SOX6: variants seen among roughly 807,000 people sequenced by gnomAD.
SOX6 encodes transcription factor SOX-6.
SOX6 carries 11 observed loss-of-function variants against 97.8 expected under a neutral mutation model. The ratio of observed to expected loss-of-function variants is 0.11; its 90% CI spans 0.07 to 0.19. SOX6 has a LOEUF of 0.19. Among genes scored for constraint, SOX6 ranks in the 10% least tolerant of loss-of-function variants. SOX6 has a pLI of 1.00. For synonymous variants in SOX6, 360 were observed against 371.4 expected, an observed-to-expected ratio of 0.97 and a Z score of 0.35; for missense variants, 810 against 1,039.5, an observed-to-expected ratio of 0.78 and a Z score of 3.04.
chr11:16,387,257 AT>A lies in SOX6; in HGVS notation c.-4-46006del, dbSNP rs113782419. On this transcript the variant is annotated intron_variant, in intron 1 of 15. Transcript: ENST00000396356. Reference sequence around the variant, plus strand: ...CTTTTTAAAATGCCATATACCTGTAATTTTTTTTTCAGTCAAGTTTGAGCAT... The same window carrying A: ...CTTTTTAAAATGCCATATACCTGTAATTTTTTTTCAGTCAAGTTTGAGCAT... Among the ~76,000 whole-genome samples, 1,300 of 151,544 alleles carry A rather than the reference AT, an allele frequency of 8.6e-3. 16 individuals are homozygous for A. The highest frequency in any genetic ancestry group is 0.03 in the African/African-American group (1,226 of 41,348).
At chr11:16,272,681 C>G (rs1292530436) in intron 3 of SOX6, among the ~76,000 whole-genome samples, 1 of 151,706 alleles carries the variant, frequency 6.6e-6, no homozygotes, top group Admixed American at 6.6e-5. Flanking sequence ...AACATTGTCT[C>G]AAGATATAGA....
At chr11:16,352,301 A>T (rs56890590) in intron 1 of SOX6, among the ~76,000 whole-genome samples, 20 of 128,742 alleles carry the variant, frequency 1.6e-4, no homozygotes, top group East Asian at 4.5e-4. Flanking sequence ...GATGGATGGA[A>T]GGATGGATGG....
At chr11:16,427,250 T>C (rs1714075506) in intron 1 of SOX6, among the ~76,000 whole-genome samples, 1 of 150,986 alleles carries the variant, frequency 6.6e-6, no homozygotes, top group South Asian at 2.1e-4. Context: ...ATATCCAGCA[T>C]CCATAAGGAG....
chr11:16,733,743 A>G (rs944634627), intron 2 of SOX6, among the ~76,000 whole-genome samples: 19 of 127,678 alleles, frequency 1.5e-4, no homozygotes, highest in African/African-American at 4.7e-4. Flanking sequence ...AAAAAAAAAA[A>G]GGGCCAGGCA....
At chr11:16,192,337 C>T (rs746789484) in intron 4 of SOX6, among the ~76,000 whole-genome samples, 8 of 152,082 alleles carry the variant, frequency 5.3e-5, no homozygotes, top group Admixed American at 2.6e-4. Flanking sequence ...AAAATTGACA[C>T]ATTTTTTTTT....
chr11:16,526,935 T>A (rs1861175892), intron 4 of SOX6, among the ~76,000 whole-genome samples: 3 of 152,088 alleles, frequency 2.0e-5, no homozygotes, highest in African/African-American at 7.2e-5. Context: ...CACACCTACA[T>A]GCATAAATGT....
At chr11:16,020,266 C>T (rs756196489) in intron 12 of SOX6, among the ~76,000 whole-genome samples, 2 of 151,982 alleles carry the variant, frequency 1.3e-5, no homozygotes, top group African/African-American at 2.4e-5. Context: ...TCTCAATGCC[C>T]TCCTGCCATC....
At chr11:16,254,430 A>G (rs1424474207) in intron 3 of SOX6, among the ~76,000 whole-genome samples, 3 of 152,232 alleles carry the variant, frequency 2.0e-5, no homozygotes, top group Non-Finnish European at 4.4e-5. Flanking sequence ...ATCATTTTTC[A>G]TATGTATATG....
chr11:16,583,640 C>CATATATATATATATATATATATATAT (rs1342015213), intron 4 of SOX6, among the ~76,000 whole-genome samples: 2 of 92,810 alleles, frequency 2.2e-5, no homozygotes, highest in Non-Finnish European at 2.5e-5. Flanking sequence ...TATATATACA[C>CATATATATATATATATATATATATAT]ATACACACAC....
chr11:16,213,626 A>T (rs1852289350), intron 4 of SOX6, among the ~76,000 whole-genome samples: 1 of 152,196 alleles, frequency 6.6e-6, no homozygotes, highest in South Asian at 2.1e-4. Flanking sequence ...ATGCTCCACC[A>T]AGCACACAGT....
chr11:16,206,135 T>G (rs116346952), intron 4 of SOX6, among the ~76,000 whole-genome samples: 2,389 of 152,232 alleles, frequency 0.016, 63 homozygotes, highest in African/African-American at 0.055. Context: ...GTTAATATTA[T>G]GTGTTAATGT....
chr11:16,064,739 A>AT (rs1848050383), intron 9 of SOX6, among the ~76,000 whole-genome samples: 1 of 152,034 alleles, frequency 6.6e-6, no homozygotes, highest in South Asian at 2.1e-4. Flanking sequence ...GTGATACATC[A>AT]TATCAACAGA....
intron 1 of SOX6, among the ~76,000 whole-genome samples, chr11:16,384,699 A>G (rs1857925424): frequency 6.6e-6 from 1 of 152,060 alleles, no homozygotes; most frequent in African/African-American, 2.4e-5. Flanking sequence ...TTTACATTCT[A>G]AAATAGAAAT....
At chr11:16,731,418 C>T (rs915089599) in intron 2 of SOX6, among the ~76,000 whole-genome samples, 1 of 152,214 alleles carries the variant, frequency 6.6e-6, no homozygotes, top group Admixed American at 6.5e-5. Context: ...CAGCTTCATC[C>T]TGGGATGCAA....
intron 13 of SOX6, among the ~76,000 whole-genome samples, chr11:16,004,399 C>T (rs1361014116): frequency 1.3e-5 from 2 of 152,054 alleles, no homozygotes; most frequent in African/African-American, 4.8e-5. Flanking sequence ...AAACTCCTAA[C>T]ATGACTAATT....
chr11:16,456,217 T>C (rs916347297), intron 1 of SOX6, among the ~76,000 whole-genome samples: 1 of 152,072 alleles, frequency 6.6e-6, no homozygotes, highest in Non-Finnish European at 1.5e-5. Flanking sequence ...ATAACTAAAC[T>C]CATTTTAGTG....
chr11:16,265,839 A>T (rs1854069206), intron 3 of SOX6, among the ~76,000 whole-genome samples: 1 of 151,872 alleles, frequency 6.6e-6, no homozygotes, highest in Admixed American at 6.6e-5. Flanking sequence ...ATGTCCAATT[A>T]AATATTGCAG....
chr11:16,306,116 A>G (rs748828029), intron 3 of SOX6, among the ~76,000 whole-genome samples: 21 of 152,228 alleles, frequency 1.4e-4, no homozygotes, highest in African/African-American at 7.2e-5. Context: ...ACAATAATGT[A>G]GTACAAATGG....
chr11:15,986,429 A>G lies in SOX6; in HGVS notation c.1967-9T>C, dbSNP rs768892069. 1.4e-5 allele frequency: 23 copies of G among 1,613,788 alleles called. No homozygotes were observed. The highest frequency in any genetic ancestry group is 1.6e-5 in the Non-Finnish European group (19 of 1,179,900). On this transcript the variant is annotated splice_polypyrimidine_tract_variant and intron_variant, in intron 14 of 15. Transcript: ENST00000683767. ...TGATTTCCAGCGAGATCCTAGAAATAAAAATAGCCTTAAGTACCCAAGTGG... is the reference window on the plus strand; with the variant it reads ...TGATTTCCAGCGAGATCCTAGAAATGAAAATAGCCTTAAGTACCCAAGTGG...
Sources: gnomAD v4.1 joint callset for allele counts (sites outside exome capture counted in the v4.1 genomes callset) on GRCh38, gnomAD v4.1.1 for gene constraint, MANE v1.5 for transcripts, NCBI Gene and HGNC (gene_info 2026-07-23, HGNC 2026-07-21) for gene names.